The following SFXN1 variants were observed in gnomAD, a reference collection of about 807,000 sequenced individuals.
SFXN1 encodes the protein sideroflexin 1.
SFXN1 carries 32 observed loss-of-function variants against 39.5 expected under a neutral mutation model. That is an observed-to-expected ratio of 0.81 (90% CI 0.61 to 1.09). The LOEUF (loss-of-function observed/expected upper bound fraction) is 1.09, where lower values mean the gene tolerates loss of function less well. Ranked by LOEUF, SFXN1 falls within the 50% of genes least tolerant of loss-of-function variation. SFXN1 has a pLI of 0.00. For synonymous variants in SFXN1, 136 were observed against 146.5 expected, an observed-to-expected ratio of 0.93 and a Z score of 0.52; for missense variants, 402 against 407.1, an observed-to-expected ratio of 0.99 and a Z score of 0.11.
chr5:175,511,890 A>G lies in SFXN1; in HGVS notation c.511-221A>G, dbSNP rs1252206531. Among the ~76,000 whole-genome samples the G allele has an allele frequency of 7.3e-5, 11 of 151,718 alleles. No individual in the cohort carries two copies. The East Asian group carries it at 2.1e-3, about 29-fold the overall frequency. On this transcript the variant is annotated intron_variant, in intron 5 of 10. Transcript: ENST00000321442. ...CCACTCCAAAGCCCATACTCCTGCAACCACACTTAGCTACAAGGCCTTAGA... is the reference window on the plus strand; with the variant it reads ...CCACTCCAAAGCCCATACTCCTGCAGCCACACTTAGCTACAAGGCCTTAGA...
intron 10 of SFXN1, chr5:175,524,174 C>A (rs1445608603): frequency 5.6e-5 from 7 of 126,074 alleles, no homozygotes; most frequent in African/African-American, 2.0e-4. Flanking sequence ...ATATATATCT[C>A]CAATAAGTTA....
At chr5:175,488,519 G>C (rs2382027) in intron 1 of SFXN1, among the ~76,000 whole-genome samples, 10,001 of 151,988 alleles carry the variant, frequency 0.066, 450 homozygotes, top group Admixed American at 0.11. Context: ...GGCTGGTCTC[G>C]AACTCCTGAC....
intron 2 of SFXN1, among the ~76,000 whole-genome samples, chr5:175,496,238 A>G (rs1759853184): frequency 6.6e-6 from 1 of 151,836 alleles, no homozygotes; most frequent in African/African-American, 2.4e-5. Flanking sequence ...ATAGCCAGGC[A>G]TGGTGACGCG....
intron 2 of SFXN1, among the ~76,000 whole-genome samples, chr5:175,493,015 A>G (rs1759716189): frequency 6.6e-6 from 1 of 152,172 alleles, no homozygotes; most frequent in South Asian, 2.1e-4. Context: ...GCCCTTTGGG[A>G]GGCTGAGGTG....
At chr5:175,480,857 C>G (rs1333443302) in intron 1 of SFXN1, among the ~76,000 whole-genome samples, 1 of 152,094 alleles carries the variant, frequency 6.6e-6, no homozygotes, top group Non-Finnish European at 1.5e-5. Flanking sequence ...ATGAGTGTGA[C>G]CAATTTTTCC....
intron 3 of SFXN1, 47 bp from the exon 4 acceptor site, chr5:175,510,062 G>A (rs368749997): frequency 2.5e-5 from 38 of 1,521,586 alleles, no homozygotes; most frequent in East Asian, 4.6e-5. Context: ...TCCATGCCGC[G>A]GCTGGGCCCA....
chr5:175,529,329 A>G lies in SFXN1; in HGVS notation c.*2595A>G, dbSNP rs1170191427. 6.7e-6 allele frequency: 1 copy of G among 150,042 alleles called. No individual in the cohort carries two copies. The highest frequency in any genetic ancestry group is 1.9e-4 in the East Asian group (1 of 5,158). 9.3% of individuals were successfully genotyped at this position (150,042 alleles called of 1,614,324 possible). ...CTCCAGCCTGGGCAACAAGAGCGAA[A>G]CTCCATCTCAAAAAAAAAAAAAAGA... On this transcript the variant is annotated 3_prime_UTR_variant, in exon 11 of 11. Transcript: ENST00000321442.
chr5:175,520,858 C>G (rs1409087221), intron 8 of SFXN1, among the ~76,000 whole-genome samples: 2 of 152,108 alleles, frequency 1.3e-5, no homozygotes, highest in Non-Finnish European at 2.9e-5. Flanking sequence ...ACAGTGTTTT[C>G]CTTTTCATTC....
chr5:175,485,213 C>G (rs1181982214), intron 1 of SFXN1, among the ~76,000 whole-genome samples: 1 of 152,156 alleles, frequency 6.6e-6, no homozygotes, highest in Non-Finnish European at 1.5e-5. Flanking sequence ...ACTTGAAATC[C>G]CTTTTAAGTA....
In SFXN1 at chr5:175,528,843, G is replaced by A. The variant is rs1761155855; in HGVS notation, c.*2109G>A. On this transcript the variant is annotated 3_prime_UTR_variant, in exon 11 of 11. Coordinates refer to ENST00000321442, the MANE Select transcript of SFXN1 (RefSeq NM_022754.7). ...TGAAATTCAGGGCAGCTCTCCATGA[G>A]GTGCTGAAGGGCTCTTTTCATAAGA... 6.6e-6 allele frequency: 1 copy of A among 152,210 alleles called. No homozygotes were observed. Among genetic ancestry groups the A allele is most frequent in the Non-Finnish European group, 1.5e-5 (1 of 68,086 alleles). The allele number at this position is 152,210 out of a possible 1,614,324, so 9.4% of individuals were successfully genotyped here.
chr5:175,523,962 TATACTA>T (rs912489353), intron 10 of SFXN1: 1 of 151,504 alleles, frequency 6.6e-6, no homozygotes, highest in Non-Finnish European at 1.5e-5. Flanking sequence ...TTATTTTACT[TATACTA>T]ATAATATAAT....
At chr5:175,522,298 TATAAAA>T (rs922326285) in intron 9 of SFXN1, 71 bp from the exon 10 acceptor site, 386 of 1,410,608 alleles carry the variant, frequency 2.7e-4, no homozygotes, top group Non-Finnish European at 3.5e-4. Context: ...AAGGGATTGT[TATAAAA>T]GTAAAATAGA....
intron 1 of SFXN1, among the ~76,000 whole-genome samples, chr5:175,479,154 G>A (rs1472208289): frequency 6.6e-6 from 1 of 152,274 alleles, no homozygotes; most frequent in Non-Finnish European, 1.5e-5. Context: ...GTGCAAGGAA[G>A]TAGATTCTTG....
chr5:175,497,655 G>A (rs1007186576), intron 2 of SFXN1, among the ~76,000 whole-genome samples: 5 of 152,022 alleles, frequency 3.3e-5, no homozygotes, highest in Non-Finnish European at 5.9e-5. Context: ...AGGGCCGGGC[G>A]CAGTGACTCA....
chr5:175,499,711 C>T (rs1433037227), intron 2 of SFXN1, among the ~76,000 whole-genome samples: 2 of 152,208 alleles, frequency 1.3e-5, no homozygotes, highest in South Asian at 2.1e-4. Flanking sequence ...TGAATACGTT[C>T]CTCCTAAGAT....
intron 2 of SFXN1, among the ~76,000 whole-genome samples, chr5:175,499,671 C>G (rs553865565): frequency 4.6e-5 from 7 of 152,184 alleles, no homozygotes; most frequent in Non-Finnish European, 2.9e-5. Context: ...AAAAACCCTA[C>G]GACTAACATC....
At chr5:175,494,517 G>A (rs1186444162) in intron 2 of SFXN1, among the ~76,000 whole-genome samples, 1 of 152,156 alleles carries the variant, frequency 6.6e-6, no homozygotes, top group Non-Finnish European at 1.5e-5. Flanking sequence ...GGAGGCCAAG[G>A]TGGGTGGATC....
At chr5:175,512,277 C>G (rs1760549145) in intron 6 of SFXN1, 81 bp downstream of exon 6, 1 of 1,237,684 alleles carries the variant, frequency 8.1e-7, no homozygotes, top group African/African-American at 1.5e-5. Flanking sequence ...TTGAAACTTT[C>G]AAATGCTTGT....
At chr5:175,505,341 C>T (rs1447996529) in intron 2 of SFXN1, among the ~76,000 whole-genome samples, 1 of 151,624 alleles carries the variant, frequency 6.6e-6, no homozygotes, top group African/African-American at 2.4e-5. Flanking sequence ...TCAAGACCAG[C>T]CTGGCCAACA....
Sources: gnomAD v4.1 joint callset for allele counts (sites outside exome capture counted in the v4.1 genomes callset) on GRCh38, gnomAD v4.1.1 for gene constraint, MANE v1.5 for transcripts, NCBI Gene and HGNC (gene_info 2026-07-23, HGNC 2026-07-21) for gene names.